The following TEAD4 variants were observed in gnomAD, a reference collection of about 807,000 sequenced individuals.
TEAD4 encodes transcriptional enhancer factor TEF-3.
TEAD4 carries 36 observed loss-of-function variants against 52.4 expected under a neutral mutation model. The observed-to-expected ratio is 0.69, with a 90% confidence interval of 0.53 to 0.91. The LOEUF is 0.91. Among genes scored for constraint, TEAD4 ranks in the 40% least tolerant of loss-of-function variants. The pLI is 0.00. For synonymous variants in TEAD4, 220 were observed against 231.0 expected, an observed-to-expected ratio of 0.95 and a Z score of 0.43; for missense variants, 508 against 583.9, an observed-to-expected ratio of 0.87 and a Z score of 1.34.
intron 3 of TEAD4, among the ~76,000 whole-genome samples, chr12:3,002,793 C>T (rs1055262114): frequency 6.6e-6 from 1 of 152,142 alleles, no homozygotes; most frequent in African/African-American, 2.4e-5. Context: ...AATGGGCATG[C>T]CCTCTTGGGT....
chr12:2,992,111 C>G (rs752796962), intron 2 of TEAD4, among the ~76,000 whole-genome samples: 1 of 150,828 alleles, frequency 6.6e-6, no homozygotes, highest in Admixed American at 6.6e-5. Flanking sequence ...CTCTGCCTCC[C>G]GGGTTCAAGT....
At position 2,995,060 on chromosome 12, in the gene TEAD4, G is replaced by A. The variant is rs1046092985; in HGVS notation, c.226+68G>A. 7.1e-6 allele frequency: 11 copies of A among 1,547,376 alleles called. No homozygotes were observed. In the Admixed American group the frequency reaches 2.1e-4, roughly 29 times the overall value. On this transcript the variant is annotated intron_variant, in intron 3 of 12. Coordinates refer to ENST00000359864, the MANE Select transcript of TEAD4 (RefSeq NM_003213.4). The stretch of plus-strand genomic sequence containing the variant: ...CAAGGGGCCGACACCAGAACCTTGG[G>A]GTTCCTGCCGGGCCACAGAAGGGGA...
intron 2 of TEAD4, among the ~76,000 whole-genome samples, chr12:2,972,251 A>G (rs1035145884): frequency 1.3e-5 from 2 of 151,170 alleles, no homozygotes; most frequent in African/African-American, 4.9e-5. Flanking sequence ...GCTAATTTTT[A>G]AAACATTATT....
chr12:3,018,499 G>T, intron 6 of TEAD4, 46 bp from the exon 7 acceptor site: 1 of 1,609,836 alleles, frequency 6.2e-7, no homozygotes, highest in Non-Finnish European at 8.5e-7. Flanking sequence ...ACAGGGCCCC[G>T]GGTGCACCTG....
At chr12:3,015,564 G>T (rs562091947) in intron 5 of TEAD4, among the ~76,000 whole-genome samples, 1 of 152,370 alleles carries the variant, frequency 6.6e-6, no homozygotes, top group African/African-American at 2.4e-5. Context: ...CCAGGCCGCG[G>T]TGCTGCCCAC....
chr12:2,975,355 ACATTATTAT>A (rs1285223202), intron 2 of TEAD4, among the ~76,000 whole-genome samples: 6 of 100,472 alleles, frequency 6.0e-5, no homozygotes, highest in Admixed American at 1.3e-4. Flanking sequence ...CAATATCGGC[ACATTATTAT>A]TATTATTATT....
At chr12:2,997,870 C>A (rs1383983373) in intron 3 of TEAD4, among the ~76,000 whole-genome samples, 1 of 151,458 alleles carries the variant, frequency 6.6e-6, no homozygotes, top group Non-Finnish European at 1.5e-5. Flanking sequence ...TATAGTTTTT[C>A]AGTTTATAAT....
chr12:3,005,645 C>T (rs1026721661), intron 3 of TEAD4, among the ~76,000 whole-genome samples: 20 of 151,714 alleles, frequency 1.3e-4, no homozygotes, highest in Non-Finnish European at 2.4e-4. Flanking sequence ...TACAGGCGCC[C>T]GCCACCATGC....
At chr12:3,009,830 G>A (rs919398269) in intron 3 of TEAD4, among the ~76,000 whole-genome samples, 4 of 152,214 alleles carry the variant, frequency 2.6e-5, no homozygotes, top group African/African-American at 9.6e-5. Flanking sequence ...ACCTTTTCTG[G>A]CAGACAGTAC....
At chr12:2,978,068 C>T (rs941408319) in intron 2 of TEAD4, among the ~76,000 whole-genome samples, 1 of 152,182 alleles carries the variant, frequency 6.6e-6, no homozygotes, top group Non-Finnish European at 1.5e-5. Flanking sequence ...GGGGACTCTC[C>T]TGTCCTTCTC....
At chr12:2,974,539 T>G (rs963108735) in intron 2 of TEAD4, among the ~76,000 whole-genome samples, 15 of 152,292 alleles carry the variant, frequency 9.8e-5, no homozygotes, top group South Asian at 2.1e-4. Context: ...GCAGATGCTT[T>G]TCCAGAGGTG....
rs1400284138 is a variant in TEAD4, at chr12:2,994,452, C to A, written c.-29-286C>A. Among the ~76,000 whole-genome samples the A allele has an allele frequency of 6.6e-6, 1 of 152,178 alleles. No individual in the cohort carries two copies. ...GCCCAGGGTCGATTTAATGTCAGTG[C>A]ATCCCCGGCACTGCATCCTTGTCTC... On this transcript the variant is annotated intron_variant, in intron 2 of 12. Coordinates refer to ENST00000359864, the MANE Select transcript of TEAD4 (RefSeq NM_003213.4). This position sits in a 1 kb window ranked among gnomAD's most constrained non-coding sequence, Gnocchi z 4.7.
intron 5 of TEAD4, chr12:3,017,000 GGAT>G (rs2098265045): frequency 2.3e-6 from 1 of 443,434 alleles, no homozygotes; most frequent in Admixed American, 2.4e-5. Context: ...GTGTGGCCAG[GGAT>G]GATGCTTCCT....
chr12:2,985,339 T>A (rs371279100), intron 2 of TEAD4, among the ~76,000 whole-genome samples: 1 of 151,480 alleles, frequency 6.6e-6, no homozygotes, highest in Non-Finnish European at 1.5e-5. Flanking sequence ...GAGCCGAGAT[T>A]GCGCCACTGT....
chr12:2,962,866 C>CT (rs2098216917), intron 2 of TEAD4, among the ~76,000 whole-genome samples: 1 of 152,144 alleles, frequency 6.6e-6, no homozygotes, highest in African/African-American at 2.4e-5. Context: ...GGATTAGAAC[C>CT]TATGCTCTCC....
intron 5 of TEAD4, 63 bp downstream of exon 5, chr12:3,012,295 C>A: frequency 6.4e-7 from 1 of 1,563,956 alleles, no homozygotes; most frequent in East Asian, 2.3e-5. Context: ...CATATCTTCC[C>A]TTTGGGGTCA....
At chr12:2,988,407 T>C (rs2098240386) in intron 2 of TEAD4, among the ~76,000 whole-genome samples, 1 of 149,782 alleles carries the variant, frequency 6.7e-6, no homozygotes, top group Non-Finnish European at 1.5e-5. Context: ...TAATCCCAGC[T>C]ACTTGGGAGG....
intron 10 of TEAD4, among the ~76,000 whole-genome samples, chr12:3,029,752 G>A (rs917995799): frequency 6.6e-6 from 1 of 152,106 alleles, no homozygotes; most frequent in African/African-American, 2.4e-5. Context: ...AGTTTATCAA[G>A]TTTTCCTTTT....
intron 2 of TEAD4, among the ~76,000 whole-genome samples, chr12:2,963,543 G>A (rs539051047): frequency 6.6e-6 from 1 of 152,362 alleles, no homozygotes; most frequent in Non-Finnish European, 1.5e-5. Context: ...AGCCAGGAGG[G>A]CCCAGGTGGA....
Sources: allele counts gnomAD v4.1 joint callset (sites outside exome capture counted in the v4.1 genomes callset), GRCh38; gene constraint gnomAD v4.1.1; non-coding constraint Gnocchi (gnomAD v3.1); transcripts MANE v1.5; gene names NCBI Gene and HGNC (gene_info 2026-07-23, HGNC 2026-07-21).